The following KCTD16 variants were observed in gnomAD, a reference collection of about 807,000 sequenced individuals.
The protein encoded by KCTD16 is potassium channel tetramerization domain containing 16, also known as BTB/POZ domain-containing protein KCTD16.
A neutral mutation model predicts 33.2 loss-of-function variants in KCTD16; 13 were observed. That is an observed-to-expected ratio of 0.39 (90% CI 0.25 to 0.62). KCTD16 has a LOEUF of 0.62. Among genes scored for constraint, KCTD16 ranks in the 20% least tolerant of loss-of-function variants. The pLI is 0.50. For missense variants in KCTD16, 441 were observed against 525.1 expected (o/e 0.84, Z 1.57); for synonymous variants, 197 against 195.3 (o/e 1.01, Z -0.07).
chr5:144,268,543 C>T (rs1755209245), intron 3 of KCTD16, among the ~76,000 whole-genome samples: 1 of 152,134 alleles, frequency 6.6e-6, no homozygotes, highest in Non-Finnish European at 1.5e-5. Flanking sequence ...CTTAGATTTC[C>T]ATTTTTTGGT....
At chr5:144,443,758 G>A (rs1172805344) in intron 3 of KCTD16, among the ~76,000 whole-genome samples, 2 of 152,026 alleles carry the variant, frequency 1.3e-5, no homozygotes, top group Non-Finnish European at 2.9e-5. Flanking sequence ...GCTAGTGGGA[G>A]CCTCTTCAAC....
intron 3 of KCTD16, among the ~76,000 whole-genome samples, chr5:144,397,500 C>A (rs1273218303): frequency 6.6e-6 from 1 of 152,206 alleles, no homozygotes; most frequent in Middle Eastern, 3.2e-3. Context: ...AATTGCCACA[C>A]TGTCTTCCAC....
intron 3 of KCTD16, among the ~76,000 whole-genome samples, chr5:144,268,744 A>G (rs922237970): frequency 6.6e-6 from 1 of 152,152 alleles, no homozygotes; most frequent in African/African-American, 2.4e-5. Flanking sequence ...TAAACAACAG[A>G]AACTGTTCCT....
chr5:144,305,670 T>G (rs1014626527), intron 3 of KCTD16, among the ~76,000 whole-genome samples: 5 of 151,854 alleles, frequency 3.3e-5, no homozygotes, highest in Non-Finnish European at 7.4e-5. Context: ...AAAAATTAGC[T>G]GGGCATGGTG....
Position 144,473,886 on chromosome 5 carries a change from G to A in KCTD16, c.1059G>A (p.Leu353=), listed in dbSNP as rs1389218540. ...DRPIKKGPVQ[L]IQQSEMRRKS... Reference sequence around the variant, plus strand: ...CCATCAAGAAGGGCCCTGTCCAGCTGATCCAACAGTCAGAGATGCGGCGGA... The same window carrying A: ...CCATCAAGAAGGGCCCTGTCCAGCTAATCCAACAGTCAGAGATGCGGCGGA... Residue 353 remains leucine (L), a synonymous_variant, in exon 4 of 4, where the codon CTG becomes CTA. Transcript: ENST00000512467. 1 of 1,614,048 alleles carries A rather than the reference G, an allele frequency of 6.2e-7. No individual in the cohort carries two copies. Among genetic ancestry groups the A allele is most frequent in the Non-Finnish European group, 8.5e-7 (1 of 1,179,996 alleles).
At chr5:144,311,159 G>T (rs1194906379) in intron 3 of KCTD16, among the ~76,000 whole-genome samples, 1 of 152,164 alleles carries the variant, frequency 6.6e-6, no homozygotes. Flanking sequence ...GTCCCTCTGA[G>T]ACTCAATTGT....
chr5:144,307,323 C>T (rs115740028), intron 3 of KCTD16, among the ~76,000 whole-genome samples: 1,842 of 152,284 alleles, frequency 0.012, 16 homozygotes, highest in Middle Eastern at 0.031. Context: ...GCAGTGGCCT[C>T]GCTCACAGCA....
intron 3 of KCTD16, among the ~76,000 whole-genome samples, chr5:144,348,069 C>T (rs556472139): frequency 6.6e-6 from 1 of 152,320 alleles, no homozygotes; most frequent in Admixed American, 6.5e-5. Context: ...ATATAACTTA[C>T]TTCCACTCTT....
chr5:144,230,613 T>G (rs1390368700), intron 3 of KCTD16, among the ~76,000 whole-genome samples: 3 of 152,198 alleles, frequency 2.0e-5, no homozygotes, highest in African/African-American at 7.2e-5. Flanking sequence ...TTTTCTTTTC[T>G]TAATTGGGAA....
intron 3 of KCTD16, among the ~76,000 whole-genome samples, chr5:144,350,587 A>G (rs1465673693): frequency 3.9e-5 from 6 of 152,130 alleles, no homozygotes; most frequent in Admixed American, 2.6e-4. Context: ...TTAATGATAG[A>G]TACTTCATTG....
chr5:144,277,343 T>C (rs1436087615), intron 3 of KCTD16, among the ~76,000 whole-genome samples: 1 of 152,194 alleles, frequency 6.6e-6, no homozygotes, highest in African/African-American at 2.4e-5. Flanking sequence ...ATTGGGCTGA[T>C]CACAATCTTG....
intron 3 of KCTD16, among the ~76,000 whole-genome samples, chr5:144,468,378 C>G (rs544610966): frequency 2.6e-5 from 4 of 152,276 alleles, no homozygotes; most frequent in Admixed American, 2.6e-4. Context: ...GTGTTCCTGA[C>G]TGACTCTGAT....
At chr5:144,426,882 A>AT (rs1242694928) in intron 3 of KCTD16, among the ~76,000 whole-genome samples, 3 of 152,158 alleles carry the variant, frequency 2.0e-5, no homozygotes, top group Non-Finnish European at 4.4e-5. Flanking sequence ...CACCTCTTAC[A>AT]TTTCCAACCT....
chr5:144,403,968 G>A (rs1296796842), intron 3 of KCTD16, among the ~76,000 whole-genome samples: 1 of 152,164 alleles, frequency 6.6e-6, no homozygotes, highest in Non-Finnish European at 1.5e-5. Flanking sequence ...TAATATGAGT[G>A]GCAGAGAGCT....
intron 3 of KCTD16, among the ~76,000 whole-genome samples, chr5:144,294,933 G>A (rs950215013): frequency 1.3e-5 from 2 of 152,124 alleles, no homozygotes; most frequent in Non-Finnish European, 2.9e-5. Context: ...TTTATAATGT[G>A]CATCTGCCAA....
rs558560705 is a variant in KCTD16 at position 144,342,055 on chromosome 5, C to T, written c.833-131605C>T. ...ATGTTAAAAAGTTTAGTTAGCAATGCGGGCTCTTTTTTGGTTCCATATGAA... is the reference window on the plus strand; with the variant it reads ...ATGTTAAAAAGTTTAGTTAGCAATGTGGGCTCTTTTTTGGTTCCATATGAA... On this transcript the variant is annotated intron_variant, in intron 3 of 3. Coordinates refer to ENST00000512467, the MANE Select transcript of KCTD16 (RefSeq NM_020768.4). 3.5e-4 allele frequency among the ~76,000 whole-genome samples: 54 copies of T among 152,230 alleles called. 2 individuals are homozygous for T. In the South Asian group the frequency reaches 7.5e-3, roughly 21 times the overall value.
intron 3 of KCTD16, among the ~76,000 whole-genome samples, chr5:144,221,276 T>C (rs1753739845): frequency 6.6e-6 from 1 of 152,206 alleles, no homozygotes; most frequent in South Asian, 2.1e-4. Context: ...TTTAGTATTA[T>C]TATTATTATA....
At chr5:144,356,408 G>A (rs1751572623) in intron 3 of KCTD16, among the ~76,000 whole-genome samples, 1 of 151,922 alleles carries the variant, frequency 6.6e-6, no homozygotes, top group African/African-American at 2.4e-5. Flanking sequence ...TATAACAAAT[G>A]GTCTTCAGTT....
intron 3 of KCTD16, among the ~76,000 whole-genome samples, chr5:144,467,954 T>C (rs975429523): frequency 2.0e-5 from 3 of 152,204 alleles, no homozygotes; most frequent in Non-Finnish European, 4.4e-5. Flanking sequence ...GCTCTGTCAA[T>C]AGAGGGTGCT....
Sources: allele counts gnomAD v4.1 joint callset (sites outside exome capture counted in the v4.1 genomes callset), GRCh38; gene constraint gnomAD v4.1.1; transcripts MANE v1.5; gene names NCBI Gene and HGNC (gene_info 2026-07-23, HGNC 2026-07-21).